The following CAMTA1 variants were observed in gnomAD, a reference collection of about 807,000 sequenced individuals.
CAMTA1 encodes the protein calmodulin-binding transcription activator 1.
Under a neutral mutation model 170.9 loss-of-function variants are expected in CAMTA1, and 27 were observed. The ratio of observed to expected loss-of-function variants is 0.16; its 90% CI spans 0.12 to 0.22. The LOEUF is 0.22. Among genes scored for constraint, CAMTA1 ranks in the 10% least tolerant of loss-of-function variants. The pLI, the probability that CAMTA1 is intolerant of heterozygous loss-of-function variation, is 1.00. For missense variants in CAMTA1, 1,619 were observed against 2,217.2 expected (o/e 0.73, Z 5.42); for synonymous variants, 833 against 891.5 (o/e 0.93, Z 1.17).
intron 6 of CAMTA1, among the ~76,000 whole-genome samples, chr1:7,484,754 A>G (rs2093594258): frequency 6.6e-6 from 1 of 151,812 alleles, no homozygotes; most frequent in Non-Finnish European, 1.5e-5. Flanking sequence ...GCACCACTGC[A>G]CTCCAACCTG....
At chr1:6,867,871 A>T (rs1667140352) in intron 3 of CAMTA1, among the ~76,000 whole-genome samples, 1 of 151,408 alleles carries the variant, frequency 6.6e-6, no homozygotes, top group Non-Finnish European at 1.5e-5. Context: ...AGCGAGTGGC[A>T]CAGTCTCAGC....
chr1:7,035,470 G>A (rs947100970), intron 3 of CAMTA1, among the ~76,000 whole-genome samples: 1 of 152,186 alleles, frequency 6.6e-6, no homozygotes, highest in Non-Finnish European at 1.5e-5. Flanking sequence ...AAGCGTGTGT[G>A]CATGTGTGTG....
chr1:6,953,177 A>G (rs1462744724), intron 3 of CAMTA1, among the ~76,000 whole-genome samples: 1 of 152,086 alleles, frequency 6.6e-6, no homozygotes, highest in Non-Finnish European at 1.5e-5. Context: ...TTTTCTCTCC[A>G]TATCAGTGTT....
At chr1:7,079,902 G>T (rs904680371) in intron 3 of CAMTA1, among the ~76,000 whole-genome samples, 1 of 152,150 alleles carries the variant, frequency 6.6e-6, no homozygotes, top group Non-Finnish European at 1.5e-5. Context: ...CTTGAGTGCC[G>T]AAAGGGGGAA....
At chr1:7,593,447 G>A (rs927774598) in intron 6 of CAMTA1, among the ~76,000 whole-genome samples, 9 of 151,592 alleles carry the variant, frequency 5.9e-5, no homozygotes, top group African/African-American at 2.2e-4. Context: ...GTCGAGGAAG[G>A]ACTCTGGCCA....
intron 6 of CAMTA1, among the ~76,000 whole-genome samples, chr1:7,503,782 C>T (rs1243031933): frequency 6.6e-6 from 1 of 152,188 alleles, no homozygotes; most frequent in Non-Finnish European, 1.5e-5. Flanking sequence ...AGCCTGCCCA[C>T]CCACAGTGAT....
At chr1:7,120,870 A>G (rs1038453911) in intron 4 of CAMTA1, among the ~76,000 whole-genome samples, 1 of 152,232 alleles carries the variant, frequency 6.6e-6, no homozygotes, top group Non-Finnish European at 1.5e-5. Flanking sequence ...CAGGGATGGA[A>G]TTAAAATCTC....
intron 6 of CAMTA1, among the ~76,000 whole-genome samples, chr1:7,493,750 C>CGCGT (rs2093779334): frequency 1.3e-5 from 2 of 152,180 alleles, no homozygotes; most frequent in African/African-American, 4.8e-5. Context: ...TCCCTGGCCA[C>CGCGT]GCATCCTACA....
At chr1:6,864,144 G>A (rs1355125766) in intron 3 of CAMTA1, among the ~76,000 whole-genome samples, 1 of 152,204 alleles carries the variant, frequency 6.6e-6, no homozygotes, top group East Asian at 1.9e-4. Flanking sequence ...GGCTGAGGTA[G>A]TGTTTGTTAG....
chr1:7,187,107 A>T (rs1258480974), intron 4 of CAMTA1, among the ~76,000 whole-genome samples: 1 of 152,100 alleles, frequency 6.6e-6, no homozygotes, highest in Admixed American at 6.5e-5. Context: ...CTGTCCTGAC[A>T]GTATGAGAGA....
rs551106387 is a variant in CAMTA1, at chr1:7,293,157, G to T, written c.438+43531G>T. ...CTGCTTTCCAGTGGACAGGGACGGG[G>T]TGGGGCTGCCTTCCTGGGAAGGGAT... On this transcript the variant is annotated intron_variant, in intron 5 of 22. Coordinates refer to ENST00000303635, the MANE Select transcript of CAMTA1 (RefSeq NM_015215.4). This position sits in a 1 kb window ranked among gnomAD's most constrained non-coding sequence, Gnocchi z 4.1. Among the ~76,000 whole-genome samples, 1 of 152,306 alleles carries T rather than the reference G, an allele frequency of 6.6e-6. No individual in the cohort carries two copies. Among genetic ancestry groups the T allele is most frequent in the East Asian group, 1.9e-4 (1 of 5,180 alleles).
At chr1:7,200,188 G>A (rs1057247404) in intron 4 of CAMTA1, among the ~76,000 whole-genome samples, 5 of 152,112 alleles carry the variant, frequency 3.3e-5, no homozygotes, top group Admixed American at 2.0e-4. Context: ...TATATATGAA[G>A]TGGTGTACAT....
At chr1:6,867,010 G>A (rs1339816315) in intron 3 of CAMTA1, among the ~76,000 whole-genome samples, 8 of 152,238 alleles carry the variant, frequency 5.3e-5, no homozygotes, top group Admixed American at 2.6e-4. Context: ...CCTAAAGCAC[G>A]CGGAGAGGGC....
chr1:7,749,128 C>G (rs934071663), intron 19 of CAMTA1, among the ~76,000 whole-genome samples: 11 of 152,120 alleles, frequency 7.2e-5, no homozygotes, highest in Non-Finnish European at 1.5e-4. Context: ...ATTCGAGAAC[C>G]TTTTATCAGA....
chr1:7,503,493 C>T (rs961696921), intron 6 of CAMTA1, among the ~76,000 whole-genome samples: 2 of 152,298 alleles, frequency 1.3e-5, no homozygotes, highest in African/African-American at 4.8e-5. Context: ...TGGCCACCTT[C>T]GCCGAAGGGG....
At chr1:6,905,120 C>T (rs1026509695) in intron 3 of CAMTA1, among the ~76,000 whole-genome samples, 6 of 151,772 alleles carry the variant, frequency 4.0e-5, no homozygotes, top group Admixed American at 2.6e-4. Flanking sequence ...CCATCTTCTC[C>T]ATCTCCACTG....
intron 5 of CAMTA1, among the ~76,000 whole-genome samples, chr1:7,383,068 T>C (rs1290566697): frequency 1.3e-5 from 2 of 152,212 alleles, no homozygotes; most frequent in African/African-American, 4.8e-5. Context: ...CTTAGCGTTC[T>C]ATGTGGGAAG....
intron 3 of CAMTA1, among the ~76,000 whole-genome samples, chr1:7,035,784 C>G (rs1218640732): frequency 1.3e-5 from 2 of 152,166 alleles, no homozygotes; most frequent in Non-Finnish European, 2.9e-5. Flanking sequence ...CAAGAATGTT[C>G]TGTGTTAACA....
At chr1:7,150,920 G>A (rs538120838) in intron 4 of CAMTA1, among the ~76,000 whole-genome samples, 17 of 152,316 alleles carry the variant, frequency 1.1e-4, no homozygotes, top group South Asian at 6.2e-4. Flanking sequence ...GAAGGCAGGC[G>A]CAGAGTGCTG....
Sources: gnomAD v4.1 joint callset for allele counts (sites outside exome capture counted in the v4.1 genomes callset) on GRCh38, gnomAD v4.1.1 for gene constraint, Gnocchi (gnomAD v3.1) non-coding constraint, MANE v1.5 for transcripts, NCBI Gene and HGNC (gene_info 2026-07-23, HGNC 2026-07-21) for gene names.